Variants in CFAP61 observed in about 807,000 individuals in gnomAD.
CFAP61 encodes cilia- and flagella-associated protein 61.
CFAP61 carries 107 observed loss-of-function variants against 135.6 expected under a neutral mutation model. The ratio of observed to expected loss-of-function variants is 0.79; its 90% confidence interval spans 0.67 to 0.93. The LOEUF (loss-of-function observed/expected upper bound fraction) is 0.93. Ranked by LOEUF, CFAP61 falls within the 40% of genes least tolerant of loss-of-function variation. The pLI is 0.00. For synonymous variants in CFAP61, 575 were observed against 578.5 expected (o/e 0.99, Z 0.09); for missense variants, 1,507 against 1,556.2 (o/e 0.97, Z 0.53).
chr20:20,067,456 A>G (rs772142023), intron 2 of CFAP61, among the ~76,000 whole-genome samples: 48 of 151,700 alleles, frequency 3.2e-4, no homozygotes, highest in Non-Finnish European at 5.6e-4. Context: ...ATCCTGGCCA[A>G]CATGGTGAAA....
At position 20,208,125 on chromosome 20, in the gene CFAP61, T is replaced by C. The variant is rs1424699465; in HGVS notation, c.1932+8223T>C. 2.0e-5 allele frequency among the ~76,000 whole-genome samples: 3 copies of C among 152,252 alleles called. No individual in the cohort carries two copies. The East Asian group carries it at 5.8e-4, about 29-fold the overall frequency. On this transcript the variant is annotated intron_variant, in intron 17 of 26. Transcript: ENST00000245957. ...CAGAGTCATCGTCTCCATTTTGCAG[T>C]GGGGAAAACTGAGGTTAGTAGAGGT... is the stretch of plus-strand genomic sequence containing the variant.
intron 25 of CFAP61, among the ~76,000 whole-genome samples, chr20:20,320,332 ATATT>A (rs2057382114): frequency 9.1e-6 from 1 of 110,390 alleles, no homozygotes. Context: ...AGATATATAT[ATATT>A]ATATATATGT....
intron 17 of CFAP61, among the ~76,000 whole-genome samples, chr20:20,203,040 C>CAT (rs2056697047): frequency 6.6e-6 from 1 of 152,080 alleles, no homozygotes; most frequent in Non-Finnish European, 1.5e-5. Flanking sequence ...TTCATCACTG[C>CAT]ATGGCAGGGA....
Position 20,080,743 on chromosome 20 carries a change from C to T in CFAP61, c.566+5128C>T, listed in dbSNP as rs2046374054. Among the ~76,000 whole-genome samples, 5 of 152,170 alleles carry T rather than the reference C, an allele frequency of 3.3e-5. No individual in the cohort carries two copies. In the South Asian group the frequency reaches 8.3e-4, roughly 25 times the overall value. ...TCCTGGCCGGGCACAGTGGTTCACACCTGTAATCCCAGCACTTTGGGAGGC... is the reference window on the plus strand; with the variant it reads ...TCCTGGCCGGGCACAGTGGTTCACATCTGTAATCCCAGCACTTTGGGAGGC... On this transcript the variant is annotated intron_variant, in intron 6 of 26. Transcript: ENST00000245957.
chr20:20,223,759 T>A (rs568373440), intron 17 of CFAP61, among the ~76,000 whole-genome samples: 2 of 152,318 alleles, frequency 1.3e-5, no homozygotes, highest in South Asian at 4.1e-4. Context: ...TTAACAAATG[T>A]GCCTAAAACT....
chr20:20,196,744 T>C lies in CFAP61; in HGVS notation c.1765T>C (p.Tyr589His). 1 of 1,614,232 alleles carries C rather than the reference T, an allele frequency of 6.2e-7. No individual in the cohort carries two copies. The highest frequency in any genetic ancestry group is 8.5e-7 in the Non-Finnish European group (1 of 1,180,028). The change falls in exon 16 of 27, where the codon TAC becomes CAC. Residue 589 changes from tyrosine (Y) to histidine (H), a missense_variant. Transcript: ENST00000245957. The part of the protein sequence containing the change: ...LRLGFKSCLY[Y>H]RVYPKSREGK... Reference sequence around the variant, plus strand: ...TTTAGGCTTTAAATCCTGTCTCTACTACCGTGTTTACCCAAAATCCAGAGA... The same window carrying C: ...TTTAGGCTTTAAATCCTGTCTCTACCACCGTGTTTACCCAAAATCCAGAGA...
intron 2 of CFAP61, among the ~76,000 whole-genome samples, chr20:20,068,420 C>T (rs1191825024): frequency 1.3e-5 from 2 of 152,192 alleles, no homozygotes; most frequent in Admixed American, 6.5e-5. Context: ...TGTGGGGCTG[C>T]ATCCCTGTGC....
chr20:20,319,473 C>T (rs1475142167), intron 25 of CFAP61, among the ~76,000 whole-genome samples: 1 of 152,146 alleles, frequency 6.6e-6, no homozygotes, highest in Non-Finnish European at 1.5e-5. Context: ...GGATTTTCCC[C>T]TTGCTGTTCT....
chr20:20,229,068 G>A (rs1291697247), intron 18 of CFAP61, among the ~76,000 whole-genome samples: 22 of 152,326 alleles, frequency 1.4e-4, no homozygotes, highest in Non-Finnish European at 2.9e-5. Flanking sequence ...GAATATGGAG[G>A]CCTGTGCATC....
intron 13 of CFAP61, among the ~76,000 whole-genome samples, chr20:20,181,925 A>T (rs751728495): frequency 6.6e-6 from 1 of 152,240 alleles, no homozygotes; most frequent in Non-Finnish European, 1.5e-5. Context: ...GGGAGCCACC[A>T]TAATGGCTAA....
At chr20:20,286,391 A>G (rs2054592479) in intron 22 of CFAP61, among the ~76,000 whole-genome samples, 1 of 152,198 alleles carries the variant, frequency 6.6e-6, no homozygotes, top group South Asian at 2.1e-4. Context: ...CATGCGCTCC[A>G]TGCTTATGTT....
intron 19 of CFAP61, among the ~76,000 whole-genome samples, chr20:20,250,867 G>A (rs2050828265): frequency 6.6e-6 from 1 of 152,196 alleles, no homozygotes; most frequent in Admixed American, 6.5e-5. Flanking sequence ...CTCCAAGAGA[G>A]CCCAGAAAAT....
Position 20,298,299 on chromosome 20 carries a change from A to G in CFAP61, c.3335A>G (p.Asn1112Ser), listed in dbSNP as rs771779511. ...CLSREPFPAS[N>S]YIRLFGQHEQ... ...TCTAGGGAGCCCTTCCCCGCCTCCA[A>G]CTACATCCGCTTGTTTGGCCAGCAC... Residue 1112 changes from asparagine to serine, a missense_variant, in exon 25 of 27, where the codon AAC becomes AGC. Coordinates refer to ENST00000245957, the MANE Select transcript of CFAP61 (RefSeq NM_015585.4). The G allele has an allele frequency of 8.1e-6, 13 of 1,614,130 alleles. No homozygotes were observed. The highest frequency in any genetic ancestry group is 4.5e-5 in the East Asian group (2 of 44,886).
chr20:20,174,272 C>T (rs2054442177), intron 13 of CFAP61, among the ~76,000 whole-genome samples: 1 of 152,184 alleles, frequency 6.6e-6, no homozygotes, highest in Non-Finnish European at 1.5e-5. Context: ...GTCGCCAGCG[C>T]ACCCGCCAGC....
intron 8 of CFAP61, among the ~76,000 whole-genome samples, chr20:20,127,382 T>C (rs936880515): frequency 4.6e-5 from 7 of 151,878 alleles, no homozygotes; most frequent in African/African-American, 1.7e-4. Flanking sequence ...CTGAAGGCTG[T>C]TGTTCAGATT....
At chr20:20,256,942 T>G (rs544014922) in intron 20 of CFAP61, among the ~76,000 whole-genome samples, 2 of 152,324 alleles carry the variant, frequency 1.3e-5, no homozygotes, top group South Asian at 4.1e-4. Context: ...CCTCTGCTCT[T>G]CCGATGCTTC....
chr20:20,353,874 G>A (rs2058944652), intron 26 of CFAP61, among the ~76,000 whole-genome samples: 1 of 152,214 alleles, frequency 6.6e-6, no homozygotes, highest in Non-Finnish European at 1.5e-5. Context: ...ACTGTTGGTG[G>A]TAATATAGAT....
chr20:20,237,317 A>G (rs1007981290), intron 18 of CFAP61, among the ~76,000 whole-genome samples: 11 of 151,994 alleles, frequency 7.2e-5, no homozygotes, highest in Admixed American at 7.2e-4. Context: ...ACCTTACGAG[A>G]CTTGCTCCTT....
At chr20:20,055,230 T>C (rs1412307850) in intron 1 of CFAP61, among the ~76,000 whole-genome samples, 1 of 152,224 alleles carries the variant, frequency 6.6e-6, no homozygotes, top group Non-Finnish European at 1.5e-5. Flanking sequence ...ACTTAGTTTG[T>C]AGTCTGTTTC....
Sources: gnomAD v4.1 joint callset for allele counts (sites outside exome capture counted in the v4.1 genomes callset) on GRCh38, gnomAD v4.1.1 for gene constraint, MANE v1.5 for transcripts, NCBI Gene and HGNC (gene_info 2026-07-23, HGNC 2026-07-21) for gene names.